Variants in IST1 observed in about 807,000 individuals in gnomAD.
IST1 encodes the protein IST1 homolog.
Under a neutral mutation model 37.0 loss-of-function variants are expected in IST1, and 23 were observed. The observed-to-expected ratio is 0.62, with a 90% CI of 0.45 to 0.88. IST1 has a LOEUF of 0.88. Among genes scored for constraint, IST1 ranks in the 40% least tolerant of loss-of-function variants. IST1 has a pLI of 0.00. For missense variants in IST1, 488 were observed against 445.4 expected (o/e 1.10, Z -0.86); for synonymous variants, 180 against 161.7 (o/e 1.11, Z -0.86).
chr16:71,902,836 G>A (rs2037137967), intron 1 of IST1, among the ~76,000 whole-genome samples: 3 of 151,880 alleles, frequency 2.0e-5, no homozygotes, highest in Admixed American at 6.6e-5. Context: ...TTAAAAAATC[G>A]TTTTGAAGAA....
Position 71,922,671 on chromosome 16 carries a change from A to G in IST1, c.750A>G (p.Pro250=), listed in dbSNP as rs2037632434. 6.3e-7 allele frequency: 1 copy of G among 1,595,918 alleles called. No homozygotes were observed. Among genetic ancestry groups the G allele is most frequent in the East Asian group, 2.3e-5 (1 of 43,084 alleles). Residue 250 remains proline, a synonymous_variant, in exon 7 of 10, where the codon CCA becomes CCG. Transcript: ENST00000378799. ...ATACGCCTTTCTCATATCCACTGCC[A>G]AAGGGACCAGTAAGTATATATAAGT... is the stretch of plus-strand genomic sequence containing the variant. ...SANTPFSYPL[P]KGPSDFNGLP...
intron 1 of IST1, among the ~76,000 whole-genome samples, chr16:71,911,431 G>T (rs1312399121): frequency 6.6e-6 from 1 of 151,968 alleles, no homozygotes; most frequent in Non-Finnish European, 1.5e-5. Flanking sequence ...CACTCCGGAG[G>T]CTGAGGCAAG....
In IST1 at chr16:71,928,051, C is replaced by T. The variant is rs1321763806; in HGVS notation, c.*238C>T. On this transcript the variant is annotated 3_prime_UTR_variant, in exon 10 of 10. Transcript: ENST00000378799. The stretch of plus-strand genomic sequence containing the variant: ...CTGGCTCCTGGCAGCTGTGCTTGTC[C>T]GTTTCCTGTCAGAGTGATCCCAGGT... 16 of 484,282 alleles carry T rather than the reference C, an allele frequency of 3.3e-5. No individual in the cohort carries two copies. The East Asian group carries it at 4.5e-4, about 13-fold the overall frequency. The allele number at this position is 484,282 out of a possible 1,614,324, so 30.0% of individuals were successfully genotyped here.
Position 71,929,815 on chromosome 16 carries a change from T to A in IST1, c.*2002T>A, listed in dbSNP as rs1196800060. 3 of 1,019,784 alleles carry A rather than the reference T, an allele frequency of 2.9e-6. No homozygotes were observed. Among genetic ancestry groups the A allele is most frequent in the Non-Finnish European group, 4.2e-6 (3 of 714,848 alleles). The allele number at this position is 1,019,784 out of a possible 1,614,324, so 63.2% of individuals were successfully genotyped here. A position where few individuals can be genotyped will look rare whatever the true frequency, so the allele number is the denominator to read the frequency against. On this transcript the variant is annotated 3_prime_UTR_variant, in exon 10 of 10. Transcript: ENST00000378799. ...TTCTTTAATAATTTGCAGTCAGGCA[T>A]TGGAGTGTTTCCACTAATGGTTGCG... is the stretch of plus-strand genomic sequence containing the variant.
At position 71,898,808 on chromosome 16, in the gene IST1, C is replaced by A. The variant is rs376807969; in HGVS notation, c.-16+3219C>A. On this transcript the variant is annotated intron_variant, in intron 1 of 9. Transcript: ENST00000378799. ...CCTGGTCAACATGGCGAAACCTCGT[C>A]GCTACTAAAAATAAAAAAATTAGCG... 1.4e-3 allele frequency among the ~76,000 whole-genome samples: 210 copies of A among 151,746 alleles called. 3 individuals carry two copies. The South Asian group carries it at 0.032, about 23-fold the overall frequency.
intron 1 of IST1, among the ~76,000 whole-genome samples, chr16:71,899,407 C>A (rs554118622): frequency 1.3e-5 from 2 of 151,824 alleles, no homozygotes; most frequent in South Asian, 4.2e-4. Flanking sequence ...AGCAAGGCCC[C>A]ATCTCTGCTA....
At chr16:71,904,615 C>G (rs779995584) in intron 1 of IST1, among the ~76,000 whole-genome samples, 9 of 152,192 alleles carry the variant, frequency 5.9e-5, no homozygotes, top group Non-Finnish European at 1.2e-4. Flanking sequence ...GGATCTTGCT[C>G]TTAGTCTGGT....
In IST1 at chr16:71,905,297, G is replaced by T. The variant is rs146362742; in HGVS notation, c.-16+9708G>T. 6.3e-4 allele frequency among the ~76,000 whole-genome samples: 95 copies of T among 151,520 alleles called. 2 individuals carry two copies. The highest frequency in any genetic ancestry group is 2.1e-3 in the African/African-American group (88 of 41,296). On this transcript the variant is annotated intron_variant, in intron 1 of 9. Transcript: ENST00000378799. ...GATCCACCCACCTTGCCCTCCCAAA[G>T]TGCTGCGATTATGGGCATGAGCCAC...
At chr16:71,897,223 T>G (rs4788575) in intron 1 of IST1, among the ~76,000 whole-genome samples, 68,340 of 146,368 alleles carry the variant, frequency 0.47, 17,173 homozygotes, top group East Asian at 0.92. Flanking sequence ...AGTTTCTTAA[T>G]GTTGCCCAGA....
intron 6 of IST1, 109 bp from the exon 7 acceptor site, chr16:71,922,365 A>C: frequency 1.1e-6 from 1 of 875,892 alleles, no homozygotes; most frequent in Non-Finnish European, 1.9e-6. Context: ...TTGATCCCAG[A>C]AGCACTCCAG....
At chr16:71,902,107 A>G (rs188627524) in intron 1 of IST1, among the ~76,000 whole-genome samples, 32 of 152,348 alleles carry the variant, frequency 2.1e-4, no homozygotes, top group Admixed American at 3.3e-4. Flanking sequence ...ATATAACACA[A>G]TGTGCTAATT....
At chr16:71,921,516 A>G (rs2037583739) in intron 6 of IST1, 63 bp downstream of exon 6, 10 of 900,808 alleles carry the variant, frequency 1.1e-5, no homozygotes, top group Admixed American at 2.5e-5. Flanking sequence ...TTGGAAAACA[A>G]AAAAAACATT....
In IST1 at chr16:71,922,632, T is replaced by C. The variant is rs62639219; in HGVS notation, c.711T>C (p.Pro237=). Residue 237 remains proline, a synonymous_variant, in exon 7 of 10, where the codon CCT becomes CCC. Coordinates refer to ENST00000378799, the MANE Select transcript of IST1 (RefSeq NM_001270975.2). ...CAATGCCCATGCCCATGCCCATGCCTATGCCATCTGCAAATACGCCTTTCT... is the reference window on the plus strand; with the variant it reads ...CAATGCCCATGCCCATGCCCATGCCCATGCCATCTGCAAATACGCCTTTCT... ...TVPMPMPMPM[P]MPSANTPFSY... 1.4e-4 allele frequency: 213 copies of C among 1,546,920 alleles called. No individual in the cohort carries two copies. The highest frequency in any genetic ancestry group is 3.7e-4 in the African/African-American group (25 of 68,332).
At chr16:71,919,699 T>C (rs1383549704) in intron 4 of IST1, among the ~76,000 whole-genome samples, 1 of 152,152 alleles carries the variant, frequency 6.6e-6, no homozygotes, top group Non-Finnish European at 1.5e-5. Context: ...GCCTTAGTCA[T>C]CCTTTAAATC....
Position 71,929,660 on chromosome 16 carries a change from C to T in IST1, c.*1847C>T. ...TTTGAGAGCTTCTGTAGCAGTGTATCTATTAGTGCAGCTTCTTTCTGAGTA... is the reference window on the plus strand; with the variant it reads ...TTTGAGAGCTTCTGTAGCAGTGTATTTATTAGTGCAGCTTCTTTCTGAGTA... On this transcript the variant is annotated 3_prime_UTR_variant, in exon 10 of 10. Transcript: ENST00000378799. 2 of 1,548,794 alleles carry T rather than the reference C, an allele frequency of 1.3e-6. No individual in the cohort carries two copies. Among genetic ancestry groups the T allele is most frequent in the Non-Finnish European group, 1.7e-6 (2 of 1,146,142 alleles).
intron 9 of IST1, 89 bp downstream of exon 9, chr16:71,924,906 C>G: frequency 1.1e-6 from 1 of 919,300 alleles, no homozygotes; most frequent in Non-Finnish European, 1.8e-6. Context: ...AGACTGTTTC[C>G]ATGTCCATGG....
Position 71,922,598 on chromosome 16 carries a change from G to T in IST1, c.677G>T (p.Gly226Val), listed in dbSNP as rs971460512. Reference sequence around the variant, plus strand: ...ACAGCACCAGTTGGTGGACCTGATGGAACGGTGCCAATGCCCATGCCCATG... The same window carrying T: ...ACAGCACCAGTTGGTGGACCTGATGTAACGGTGCCAATGCCCATGCCCATG... ...GFTAPVGGPD[G>V]TVPMPMPMPM... Residue 226 changes from glycine (G) to valine (V), a missense_variant, in exon 7 of 10, where the codon GGA becomes GTA. Gly to Val is a moderately radical substitution (Grantham distance 109). Coordinates refer to ENST00000378799, the MANE Select transcript of IST1 (RefSeq NM_001270975.2). 4.4e-6 allele frequency: 7 copies of T among 1,605,356 alleles called. No homozygotes were observed. In the African/African-American group the frequency reaches 8.2e-5, roughly 19 times the overall value.
At chr16:71,921,581 T>C (rs551983939) in intron 6 of IST1, 128 bp downstream of exon 6, 2 of 622,442 alleles carry the variant, frequency 3.2e-6, no homozygotes, top group East Asian at 5.5e-5. Context: ...TTAGTACCTT[T>C]ATGACAATAA....
intron 8 of IST1, chr16:71,924,409 G>C (rs2037687626): frequency 2.5e-6 from 1 of 396,108 alleles, no homozygotes; most frequent in Non-Finnish European, 4.8e-6. Context: ...TGGGCAACAT[G>C]GCGAAACCCT....
Sources: gnomAD v4.1 joint callset for allele counts (sites outside exome capture counted in the v4.1 genomes callset) on GRCh38, gnomAD v4.1.1 for gene constraint, MANE v1.5 for transcripts, NCBI Gene and HGNC (gene_info 2026-07-23, HGNC 2026-07-21) for gene names.